ARMC9: variants seen among roughly 807,000 people sequenced by gnomAD.
The protein encoded by ARMC9 is armadillo repeat containing 9.
ARMC9 carries 94 observed loss-of-function variants against 107.0 expected under a neutral mutation model. The observed-to-expected ratio is 0.88, with a 90% CI of 0.74 to 1.04. ARMC9 has a LOEUF of 1.04. ARMC9 is among the 50% of genes least tolerant of loss of function. The pLI is 0.00. For synonymous variants in ARMC9, 380 were observed against 396.9 expected (o/e 0.96, Z 0.51); for missense variants, 942 against 1,030.1 (o/e 0.91, Z 1.17).
At chr2:231,249,489 C>G (rs1018158867) in intron 9 of ARMC9, among the ~76,000 whole-genome samples, 1 of 152,052 alleles carries the variant, frequency 6.6e-6, no homozygotes, top group African/African-American at 2.4e-5. Flanking sequence ...TTGGTGTGGC[C>G]CCACTGCCCA....
chr2:231,272,187 G>GTTTTTTTTTTTTT (rs56201225), intron 13 of ARMC9, among the ~76,000 whole-genome samples: 3 of 99,710 alleles, frequency 3.0e-5, no homozygotes, highest in African/African-American at 8.8e-5. Flanking sequence ...TGTGTGTTTG[G>GTTTTTTTTTTTTT]TTTTTTTTTT....
At position 231,278,296 on chromosome 2, in the gene ARMC9, C is replaced by G. The variant is rs140677730; in HGVS notation, c.1475-86C>G. Reference sequence around the variant, plus strand: ...TCATACAGCTCATGAGCAGAGGAGCCAAGATTTGTCTCCAAGTCTACCTGA... The same window carrying G: ...TCATACAGCTCATGAGCAGAGGAGCGAAGATTTGTCTCCAAGTCTACCTGA... On this transcript the variant is annotated intron_variant, in intron 15 of 24. Transcript: ENST00000611582. 2.2e-6 allele frequency: 3 copies of G among 1,367,930 alleles called. No individual in the cohort carries two copies. The African/African-American group carries it at 4.3e-5, about 20-fold the overall frequency. 84.7% of individuals were successfully genotyped at this position (1,367,930 alleles called of 1,614,324 possible). A position where few individuals can be genotyped will look rare whatever the true frequency, so the allele number is the denominator to read the frequency against.
At chr2:231,270,568 G>A (rs371533169) in intron 12 of ARMC9, 64 of 468,130 alleles carry the variant, frequency 1.4e-4, no homozygotes, top group East Asian at 1.2e-3. Context: ...ATCGTTTCTC[G>A]TGCTGTTCTC....
At chr2:231,309,447 G>C (rs979560732) in intron 19 of ARMC9, among the ~76,000 whole-genome samples, 2 of 151,960 alleles carry the variant, frequency 1.3e-5, no homozygotes, top group African/African-American at 4.8e-5. Flanking sequence ...CATATTTCTA[G>C]TTTTTCATTA....
intron 19 of ARMC9, among the ~76,000 whole-genome samples, chr2:231,306,146 G>A (rs116471873): frequency 3.5e-4 from 53 of 152,224 alleles, no homozygotes; most frequent in African/African-American, 1.2e-3. Flanking sequence ...AGCTTCTTTG[G>A]AATAGATTCC....
intron 2 of ARMC9, among the ~76,000 whole-genome samples, chr2:231,207,901 C>A (rs2032261562): frequency 6.6e-6 from 1 of 152,116 alleles, no homozygotes; most frequent in Non-Finnish European, 1.5e-5. Flanking sequence ...GACTTTTTAT[C>A]TTTCGTCTTT....
At chr2:231,211,990 A>G (rs1347514306) in intron 3 of ARMC9, among the ~76,000 whole-genome samples, 4 of 152,308 alleles carry the variant, frequency 2.6e-5, no homozygotes, top group African/African-American at 9.6e-5. Flanking sequence ...CCTGGGTTGA[A>G]TGAAGAAGAG....
chr2:231,345,637 G>A (rs2044776967), intron 21 of ARMC9, among the ~76,000 whole-genome samples: 1 of 152,162 alleles, frequency 6.6e-6, no homozygotes, highest in South Asian at 2.1e-4. Context: ...TAGACCCCTT[G>A]TGGGCTAAGG....
In ARMC9 at chr2:231,255,537, T is replaced by G. The variant is rs1300958760; in HGVS notation, c.880-1049T>G. On this transcript the variant is annotated intron_variant, in intron 9 of 24. Transcript: ENST00000611582. The surrounding 1 kb of genome is among the most constrained non-coding windows in gnomAD (Gnocchi z 4.7). ...CATAGAGGATTTTTTTTTGTTTGGT[T>G]GTTTTTGTTTTTTTTCTAAAGAAAA... 2.6e-5 allele frequency among the ~76,000 whole-genome samples: 4 copies of G among 152,156 alleles called. No individual in the cohort carries two copies. The highest frequency in any genetic ancestry group is 4.4e-5 in the Non-Finnish European group (3 of 68,022).
chr2:231,205,351 C>T (rs548774704), intron 1 of ARMC9, among the ~76,000 whole-genome samples: 43 of 152,070 alleles, frequency 2.8e-4, no homozygotes, highest in Non-Finnish European at 4.7e-4. Context: ...TCCTGGGCAA[C>T]GGAGTGAGAT....
At chr2:231,242,732 G>A (rs573384824) in intron 9 of ARMC9, among the ~76,000 whole-genome samples, 21 of 152,238 alleles carry the variant, frequency 1.4e-4, no homozygotes, top group Non-Finnish European at 2.6e-4. Flanking sequence ...TCTAGGTTCA[G>A]TTTATAAAAT....
chr2:231,252,570 C>A (rs1227337893), intron 9 of ARMC9, among the ~76,000 whole-genome samples: 4 of 152,110 alleles, frequency 2.6e-5, no homozygotes, highest in African/African-American at 9.7e-5. Context: ...TTTAGTATGG[C>A]CATGTCCTTA....
At chr2:231,246,207 A>T (rs1307687710) in intron 9 of ARMC9, among the ~76,000 whole-genome samples, 1 of 152,180 alleles carries the variant, frequency 6.6e-6, no homozygotes, top group African/African-American at 2.4e-5. Context: ...CACTTTATTT[A>T]TTTGGCTTTT....
chr2:231,276,646 C>G lies in ARMC9; in HGVS notation c.1345C>G (p.Gln449Glu). 6.2e-7 allele frequency: 1 copy of G among 1,614,180 alleles called. No individual in the cohort carries two copies. The highest frequency in any genetic ancestry group is 8.5e-7 in the Non-Finnish European group (1 of 1,180,032). ...GCTCTTTCTTCCCAGGCGCCCGCTG[C>G]AGACAGCGATGATTCAAGACGGCCT... ...LQKFSLRRPL[Q>E]TAMIQDGLIF... Residue 449 changes from glutamine to glutamate, a missense_variant, in exon 15 of 25, where the codon CAG (glutamine) becomes GAG (glutamate). Gln to Glu is a conservative substitution (Grantham distance 29, BLOSUM62 2). Coordinates refer to ENST00000611582, the MANE Select transcript of ARMC9 (RefSeq NM_001352754.2).
chr2:231,204,587 T>G (rs1026952534), intron 1 of ARMC9, among the ~76,000 whole-genome samples: 4 of 152,118 alleles, frequency 2.6e-5, no homozygotes, highest in Non-Finnish European at 5.9e-5. Flanking sequence ...TTTGAGCCTG[T>G]ACTGTGTGCC....
chr2:231,354,004 C>T (rs1208657671), intron 21 of ARMC9, among the ~76,000 whole-genome samples: 1 of 138,504 alleles, frequency 7.2e-6, no homozygotes, highest in African/African-American at 3.2e-5. Flanking sequence ...CACACACACA[C>T]ACACACACAC....
chr2:231,266,235 C>T (rs970262089), intron 12 of ARMC9, among the ~76,000 whole-genome samples: 7 of 152,174 alleles, frequency 4.6e-5, no homozygotes, highest in African/African-American at 1.4e-4. Context: ...CTGGGTCCCA[C>T]CAACAGTTTC....
At chr2:231,303,231 GTTGTTTTGTTTTGTT>G (rs58483943) in intron 19 of ARMC9, among the ~76,000 whole-genome samples, 1 of 152,022 alleles carries the variant, frequency 6.6e-6, no homozygotes, top group East Asian at 1.9e-4. Flanking sequence ...GTTTGTTTGG[GTTGTTTTGTTTTGTT>G]TTGTTTTGTT....
intron 6 of ARMC9, among the ~76,000 whole-genome samples, chr2:231,224,324 T>A (rs945355042): frequency 1.2e-4 from 19 of 152,188 alleles, no homozygotes; most frequent in African/African-American, 4.6e-4. Flanking sequence ...AGCATCCATA[T>A]GACTATAGTC....
Sources: allele counts gnomAD v4.1 joint callset (sites outside exome capture counted in the v4.1 genomes callset), GRCh38; gene constraint gnomAD v4.1.1; non-coding constraint Gnocchi (gnomAD v3.1); transcripts MANE v1.5; gene names NCBI Gene and HGNC (gene_info 2026-07-23, HGNC 2026-07-21).